The following PAX3 variants were observed in gnomAD, a reference collection of about 807,000 sequenced individuals.
PAX3 encodes the protein paired box 3.
PAX3 carries 14 observed loss-of-function variants against 51.6 expected under a neutral mutation model. The observed-to-expected ratio is 0.27, with a 90% CI of 0.18 to 0.42. The LOEUF (loss-of-function observed/expected upper bound fraction) is 0.42, where lower values mean the gene tolerates loss of function less well. Ranked by LOEUF, PAX3 falls within the 10% of genes least tolerant of loss-of-function variation. The pLI, the probability that PAX3 is intolerant of heterozygous loss-of-function variation, is 1.00. For synonymous variants in PAX3, 280 were observed against 253.4 expected (o/e 1.11, Z -1.00); for missense variants, 540 against 642.8 (o/e 0.84, Z 1.73).
At chr2:222,279,304 C>CGTGTGTGTGTGTGTGTGT (rs57076966) in intron 4 of PAX3, among the ~76,000 whole-genome samples, 32 of 148,034 alleles carry the variant, frequency 2.2e-4, no homozygotes, top group African/African-American at 7.7e-4. Context: ...CAAGCCTGTG[C>CGTGTGTGTGTGTGTGTGT]GTGTGTGTGT....
intron 4 of PAX3, chr2:222,242,542 C>A (rs1385673072): frequency 6.6e-6 from 1 of 152,084 alleles, no homozygotes; most frequent in Non-Finnish European, 1.5e-5. Flanking sequence ...TTCATGAGAA[C>A]TCAGAGAGGT....
At chr2:222,291,763 A>G (rs1355696775) in intron 4 of PAX3, among the ~76,000 whole-genome samples, 1 of 152,116 alleles carries the variant, frequency 6.6e-6, no homozygotes, top group Non-Finnish European at 1.5e-5. Flanking sequence ...ATTCTATTTT[A>G]CAAGCGGGCA....
At position 222,278,885 on chromosome 2, in the gene PAX3, A is replaced by G. The variant is rs1694527754; in HGVS notation, c.586+15282T>C. Among the ~76,000 whole-genome samples, 5 of 152,300 alleles carry G rather than the reference A, an allele frequency of 3.3e-5. No individual in the cohort carries two copies. The South Asian group carries it at 1.0e-3, about 32-fold the overall frequency. ...CTCAGCGTCCTTTAGAAAAGAGCAA[A>G]TACTTTCCATTTAACCAGTTAAAGG... is the stretch of plus-strand genomic sequence containing the variant. On this transcript the variant is annotated intron_variant, in intron 4 of 8. Coordinates refer to ENST00000392070, the MANE Select transcript of PAX3 (RefSeq NM_181458.4).
At chr2:222,236,089 G>A (rs1000513748) in intron 4 of PAX3, among the ~76,000 whole-genome samples, 1 of 152,174 alleles carries the variant, frequency 6.6e-6, no homozygotes, top group Admixed American at 6.6e-5. Flanking sequence ...AGGGATGTGG[G>A]CTTTAAAATA....
intron 4 of PAX3, among the ~76,000 whole-genome samples, chr2:222,257,864 G>A (rs535615957): frequency 1.1e-4 from 16 of 152,262 alleles, no homozygotes; most frequent in East Asian, 3.9e-4. Flanking sequence ...TGACTGCATC[G>A]TCCCGGCTCA....
At position 222,298,572 on chromosome 2, in the gene PAX3, C is replaced by A. The variant is rs1187320867; in HGVS notation, c.44G>T (p.Gly15Val). The change falls in exon 1 of 9, where the codon GGC becomes GTC. Residue 15 changes from glycine to valine, a missense_variant. Gly to Val is a moderately radical substitution (Grantham distance 109). Transcript: ENST00000392070. ...AGAVPRMMRP[G>V]PGQNYPRSGF... ...GCTACGCGGGTAGTTCTGCCCCGGG[C>A]CCGGCCGCATCATCCTGGGCACAGC... The A allele has an allele frequency of 1.9e-5, 31 of 1,608,324 alleles. No homozygotes were observed. The highest frequency in any genetic ancestry group is 2.6e-5 in the Non-Finnish European group (31 of 1,177,826).
intron 5 of PAX3, among the ~76,000 whole-genome samples, chr2:222,229,272 A>G (rs979178628): frequency 5.4e-5 from 8 of 149,324 alleles, no homozygotes; most frequent in African/African-American, 1.7e-4. Flanking sequence ...TTATGTTAAT[A>G]TAATATTTAT....
At chr2:222,219,042 G>A (rs753412304) in intron 7 of PAX3, among the ~76,000 whole-genome samples, 4 of 152,132 alleles carry the variant, frequency 2.6e-5, no homozygotes, top group Non-Finnish European at 4.4e-5. Context: ...TGAAGAAAAC[G>A]AAGAGGCAAA....
chr2:222,211,414 C>A (rs948594268), intron 7 of PAX3, among the ~76,000 whole-genome samples: 3 of 152,114 alleles, frequency 2.0e-5, no homozygotes, highest in Admixed American at 2.0e-4. Context: ...ACCCACACTG[C>A]AATCACTTCA....
rs764797675 is a variant in PAX3, at chr2:222,221,234, A to T, written c.946T>A (p.Ser316Thr). Residue 316 changes from serine (S) to threonine (T), a missense_variant, in exon 6 of 9, where the codon TCT (serine) becomes ACT (threonine). Physicochemically the swap from Ser to Thr is moderately conservative, Grantham distance 58 (BLOSUM62 1). Coordinates refer to ENST00000392070, the MANE Select transcript of PAX3 (RefSeq NM_181458.4). ...TCTTCCTCGGTACCTTGTGGAATAG[A>T]TGTGGGCTGGTAAGAGGTCTCCGAC... The part of the protein sequence containing the change: ...QLSETSYQPT[S>T]IPQAVSDPSS... 1.2e-6 allele frequency: 2 copies of T among 1,613,956 alleles called. No individual in the cohort carries two copies. The highest frequency in any genetic ancestry group is 3.3e-5 in the Admixed American group (2 of 60,004).
intron 6 of PAX3, 26 bp downstream of exon 6, chr2:222,221,196 T>C: frequency 6.2e-7 from 1 of 1,611,944 alleles, no homozygotes; most frequent in Non-Finnish European, 8.5e-7. Flanking sequence ...AGTTACTTTC[T>C]AATCTCCTTG....
At chr2:222,275,157 T>C (rs927342296) in intron 4 of PAX3, among the ~76,000 whole-genome samples, 1 of 152,164 alleles carries the variant, frequency 6.6e-6, no homozygotes, top group African/African-American at 2.4e-5. Context: ...GGATAATCAC[T>C]AAGAAAAATA....
At chr2:222,252,421 G>A (rs916856065) in intron 4 of PAX3, among the ~76,000 whole-genome samples, 5 of 152,078 alleles carry the variant, frequency 3.3e-5, no homozygotes, top group South Asian at 4.1e-4. Flanking sequence ...TTGAAAAAAC[G>A]AGGCTCAGAG....
intron 4 of PAX3, among the ~76,000 whole-genome samples, chr2:222,267,517 T>C (rs1694095737): frequency 6.6e-6 from 1 of 152,230 alleles, no homozygotes; most frequent in African/African-American, 2.4e-5. Context: ...GGAAGAGAGT[T>C]ACTGCTTACT....
chr2:222,261,508 T>C (rs1693859250), intron 4 of PAX3, among the ~76,000 whole-genome samples: 1 of 151,116 alleles, frequency 6.6e-6, no homozygotes, highest in Non-Finnish European at 1.5e-5. Flanking sequence ...GAGGAAAAGA[T>C]ACGAAGAAGA....
intron 7 of PAX3, among the ~76,000 whole-genome samples, chr2:222,209,753 A>C (rs1651391463): frequency 7.3e-6 from 1 of 137,092 alleles, no homozygotes; most frequent in Non-Finnish European, 1.6e-5. Context: ...TTAGCTGGGC[A>C]TGGTGGCATG....
chr2:222,233,269 T>C (rs984451861), intron 4 of PAX3, among the ~76,000 whole-genome samples: 1 of 152,078 alleles, frequency 6.6e-6, no homozygotes, highest in African/African-American at 2.4e-5. Flanking sequence ...ACAAAACTTG[T>C]GTGTATTTGC....
In PAX3 at chr2:222,295,547, A is replaced by G. The variant is rs748817593; in HGVS notation, c.432T>C (p.Asp144=). The change falls in exon 3 of 9, where the codon GAT becomes GAC. Residue 144 remains aspartate (D), a synonymous_variant. Transcript: ENST00000392070. The part of the protein sequence containing the change: ...RDKLLKDAVC[D]RNTVPSVSSI... ...TAGTACCTGACGGCACGGTGTTTCG[A>G]TCACAGACCGCGTCCTTGAGTAATT... 1.1e-5 allele frequency: 18 copies of G among 1,614,084 alleles called. No homozygotes were observed. In the African/African-American group the frequency reaches 1.5e-4, roughly 13 times the overall value.
At chr2:222,244,725 A>T (rs1398793013) in intron 4 of PAX3, among the ~76,000 whole-genome samples, 2 of 130,240 alleles carry the variant, frequency 1.5e-5, no homozygotes, top group African/African-American at 6.0e-5. Flanking sequence ...CAGACAGTAT[A>T]TTGTTCACCA....
Sources: allele counts gnomAD v4.1 joint callset (sites outside exome capture counted in the v4.1 genomes callset), GRCh38; gene constraint gnomAD v4.1.1; transcripts MANE v1.5; gene names NCBI Gene and HGNC (gene_info 2026-07-23, HGNC 2026-07-21).